LATS2: variants seen among roughly 807,000 people sequenced by gnomAD.
LATS2 encodes serine/threonine-protein kinase LATS2.
A neutral mutation model predicts 76.0 loss-of-function variants in LATS2; 24 were observed. The ratio of observed to expected loss-of-function variants is 0.32; its 90% CI spans 0.23 to 0.44. The LOEUF is 0.44. LATS2 is among the 20% of genes least tolerant of loss of function. LATS2 has a pLI of 1.00. For synonymous variants in LATS2, 692 were observed against 635.4 expected (o/e 1.09, Z -1.34); for missense variants, 1,286 against 1,481.2 (o/e 0.87, Z 2.16).
rs1292424789 is a variant in LATS2 at position 20,988,773 on chromosome 13, T to G, written c.1007A>C (p.Gln336Pro). ...HQLHVLGSRSQVFASDSPPQS... is the reference protein window; with the variant it reads ...HQLHVLGSRSPVFASDSPPQS... The stretch of plus-strand genomic sequence containing the variant: ...CGGGGGGCTGTCGCTGGCGAACACC[T>G]GGCTGCGGGAGCCCAGCACATGCAG... Residue 336 changes from glutamine to proline, a missense_variant, in exon 4 of 8, where the codon CAG becomes CCG. Coordinates refer to ENST00000382592, the MANE Select transcript of LATS2 (RefSeq NM_014572.3). 3.1e-6 allele frequency: 5 copies of G among 1,587,660 alleles called. No individual in the cohort carries two copies. The Admixed American group carries it at 8.5e-5, about 27-fold the overall frequency.
chr13:21,015,557 A>G (rs1445805832), intron 2 of LATS2, among the ~76,000 whole-genome samples: 1 of 152,234 alleles, frequency 6.6e-6, no homozygotes, highest in Non-Finnish European at 1.5e-5. Context: ...ATTTGGCTTC[A>G]CTAATGCCCA....
intron 2 of LATS2, among the ~76,000 whole-genome samples, chr13:21,009,517 T>G (rs1253519678): frequency 6.6e-6 from 1 of 152,188 alleles, no homozygotes; most frequent in African/African-American, 2.4e-5. Flanking sequence ...TAACAGACTG[T>G]TAAGTAAAAA....
chr13:21,026,937 T>C (rs938117337), intron 2 of LATS2, among the ~76,000 whole-genome samples: 2 of 152,232 alleles, frequency 1.3e-5, no homozygotes, highest in African/African-American at 4.8e-5. Flanking sequence ...TATAGTAGTA[T>C]CTCATTGTGG....
rs372140528 is a variant in LATS2 at position 21,006,950 on chromosome 13, C to A, written c.343-15546G>T. 1.5e-3 allele frequency among the ~76,000 whole-genome samples: 231 copies of A among 152,252 alleles called. 1 individual carries two copies. Among genetic ancestry groups the A allele is most frequent in the African/African-American group, 5.0e-3 (206 of 41,538 alleles). On this transcript the variant is annotated intron_variant, in intron 2 of 7. Coordinates refer to ENST00000382592, the MANE Select transcript of LATS2 (RefSeq NM_014572.3). ...CTTCCCTGTGGTTATTTTTTAAATGCTGTCAAGTAGGTTGGAAGATCTGGC... is the reference window on the plus strand; with the variant it reads ...CTTCCCTGTGGTTATTTTTTAAATGATGTCAAGTAGGTTGGAAGATCTGGC...
At chr13:21,018,056 C>T (rs1871880039) in intron 2 of LATS2, 1 of 152,222 alleles carries the variant, frequency 6.6e-6, no homozygotes. Flanking sequence ...TTTCATTCTT[C>T]TGAATCAATG....
chr13:21,030,219 A>C (rs898800058), intron 2 of LATS2, among the ~76,000 whole-genome samples: 6 of 152,252 alleles, frequency 3.9e-5, no homozygotes, highest in Admixed American at 2.0e-4. Context: ...ACATTTCAAC[A>C]TGAAATTTGG....
chr13:20,981,748 G>GTCAT, intron 5 of LATS2, 100 bp from the exon 6 acceptor site: 1 of 998,124 alleles, frequency 1.0e-6, no homozygotes, highest in Non-Finnish European at 1.4e-6. Flanking sequence ...AAACAGCAAA[G>GTCAT]TCATTCCAAT....
Position 21,037,334 on chromosome 13 carries a change from G to C in LATS2, c.342+8351C>G, listed in dbSNP as rs138998110. ...GGGGAGAATCGCTTGAACCCCAGAG[G>C]GGGAGGTTGCAGTAAGCCAGATCAT... On this transcript the variant is annotated intron_variant, in intron 2 of 7. Coordinates refer to ENST00000382592, the MANE Select transcript of LATS2 (RefSeq NM_014572.3). 1.5e-3 allele frequency among the ~76,000 whole-genome samples: 224 copies of C among 152,268 alleles called. 3 individuals carry two copies. The highest frequency in any genetic ancestry group is 0.013 in the Admixed American group (204 of 15,294).
At chr13:21,049,367 C>G (rs564321959) in intron 1 of LATS2, among the ~76,000 whole-genome samples, 3 of 152,150 alleles carry the variant, frequency 2.0e-5, no homozygotes, top group East Asian at 3.9e-4. Flanking sequence ...GCAGCAGCCC[C>G]GGGGAGCAAG....
chr13:20,980,956 G>A (rs926688877), intron 6 of LATS2, among the ~76,000 whole-genome samples: 1 of 152,190 alleles, frequency 6.6e-6, no homozygotes, highest in Non-Finnish European at 1.5e-5. Context: ...CAAATGTTAT[G>A]AGCACTAGTC....
intron 2 of LATS2, among the ~76,000 whole-genome samples, chr13:21,000,632 G>C (rs1871000733): frequency 6.6e-6 from 1 of 152,082 alleles, no homozygotes; most frequent in South Asian, 2.1e-4. Flanking sequence ...GAAAGTGTGG[G>C]ATGGGAGTTA....
At chr13:21,012,731 C>T (rs1051781939) in intron 2 of LATS2, among the ~76,000 whole-genome samples, 4 of 152,084 alleles carry the variant, frequency 2.6e-5, no homozygotes, top group Middle Eastern at 3.4e-3. Context: ...GAATGAACAG[C>T]GCTAGCACAG....
intron 2 of LATS2, among the ~76,000 whole-genome samples, chr13:21,039,864 A>C (rs60604032): frequency 0.03 from 4,553 of 152,274 alleles, 201 homozygotes; most frequent in African/African-American, 0.1. Context: ...CCCTGAGGTC[A>C]GGAGTTCGAG....
intron 2 of LATS2, among the ~76,000 whole-genome samples, chr13:21,020,313 TCTATTATTATC>T (rs1872005346): frequency 6.6e-6 from 1 of 152,078 alleles, no homozygotes; most frequent in Admixed American, 6.5e-5. Context: ...CACGAACAAT[TCTATTATTATC>T]CTATTATTTG....
intron 2 of LATS2, among the ~76,000 whole-genome samples, chr13:21,019,056 A>G (rs1222433233): frequency 6.6e-6 from 1 of 152,028 alleles, no homozygotes; most frequent in African/African-American, 2.4e-5. Context: ...CAGACATCCT[A>G]AGTTTGAATC....
chr13:20,982,369 T>G (rs1372810346), intron 5 of LATS2, among the ~76,000 whole-genome samples: 1 of 152,204 alleles, frequency 6.6e-6, no homozygotes, highest in Non-Finnish European at 1.5e-5. Context: ...TGGGGCGCAA[T>G]GGCGCGATCT....
chr13:20,982,221 G>A (rs1869921568), intron 5 of LATS2, among the ~76,000 whole-genome samples: 1 of 152,194 alleles, frequency 6.6e-6, no homozygotes. Flanking sequence ...TTTCCAAATG[G>A]CAGAACTATA....
At chr13:21,044,327 C>CT (rs2138402504) in intron 2 of LATS2, among the ~76,000 whole-genome samples, 1 of 152,236 alleles carries the variant, frequency 6.6e-6, no homozygotes, top group African/African-American at 2.4e-5. Flanking sequence ...CACTGTTAGC[C>CT]TTTTCCTATG....
At chr13:21,032,283 T>C (rs557947078) in intron 2 of LATS2, among the ~76,000 whole-genome samples, 61 of 84,176 alleles carry the variant, frequency 7.2e-4, no homozygotes, top group African/African-American at 1.6e-3. Flanking sequence ...TTTTATTTTT[T>C]GAGACAGAGT....
Sources: gnomAD v4.1 joint callset for allele counts (sites outside exome capture counted in the v4.1 genomes callset) on GRCh38, gnomAD v4.1.1 for gene constraint, MANE v1.5 for transcripts, NCBI Gene and HGNC (gene_info 2026-07-23, HGNC 2026-07-21) for gene names.